RPS2: variants seen among roughly 807,000 people sequenced by gnomAD.
RPS2 encodes small ribosomal subunit protein uS5.
A neutral mutation model predicts 25.3 loss-of-function variants in RPS2; 8 were observed. That is an observed-to-expected ratio of 0.32 (90% confidence interval 0.19 to 0.57). The LOEUF is 0.57. RPS2 is among the 20% of genes least tolerant of loss of function. The pLI is 0.90. For missense variants in RPS2, 229 were observed against 408.1 expected, an observed-to-expected ratio of 0.56 and a Z score of 3.78; for synonymous variants, 181 against 161.3, an observed-to-expected ratio of 1.12 and a Z score of -0.92.
chr16:1,963,774 T>C (rs1409029405), intron 3 of RPS2: 1 of 457,502 alleles, frequency 2.2e-6, no homozygotes, highest in Non-Finnish European at 4.4e-6. Context: ...TGGTGAGATG[T>C]GGCTTTCCAC....
Position 1,962,870 on chromosome 16 carries a change from G to A in RPS2, c.415C>T (p.Leu139=). 6.2e-7 allele frequency: 1 copy of A among 1,603,164 alleles called. No individual in the cohort carries two copies. Among genetic ancestry groups the A allele is most frequent in the South Asian group, 1.1e-5 (1 of 91,068 alleles). Residue 139 remains leucine, a synonymous_variant, in exon 5 of 7, where the codon CTG becomes TTG. Coordinates refer to ENST00000343262, the MANE Select transcript of RPS2 (RefSeq NM_002952.4). ...ACCTCCTTGGAGCACTTAACACCCA[G>A]ACCGACGTGGCCATTGTAGTCCCCG... ...AIGDYNGHVG[L]GVKCSKEVAT...
chr16:1,963,883 C>A (rs981186623), intron 3 of RPS2: 1 of 424,402 alleles, frequency 2.4e-6, no homozygotes, highest in African/African-American at 2.0e-5. Flanking sequence ...TAGCCTTTCC[C>A]CACTGCACCC....
At chr16:1,962,321 C>A in intron 6 of RPS2, 51 bp from the exon 7 acceptor site, 3 of 1,546,510 alleles carry the variant, frequency 1.9e-6, no homozygotes, top group Non-Finnish European at 1.8e-6. Context: ...TGAGGCAAGT[C>A]CCCCAACCCA....
chr16:1,963,101 G>C (rs765852789), intron 4 of RPS2, 48 bp downstream of exon 4: 4 of 1,474,524 alleles, frequency 2.7e-6, no homozygotes, highest in Non-Finnish European at 2.8e-6. Context: ...GCAGAGCCGA[G>C]AGAGTCCCGG....
chr16:1,964,131 T>G (rs1243506204), intron 3 of RPS2, 145 bp downstream of exon 3: 1 of 668,374 alleles, frequency 1.5e-6, no homozygotes, highest in African/African-American at 1.8e-5. Context: ...AATCCTCTCC[T>G]CAGCCAGCCC....
intron 2 of RPS2, 32 bp from the exon 3 acceptor site, chr16:1,964,397 C>A (rs1386756961): frequency 6.2e-7 from 1 of 1,613,160 alleles, no homozygotes; most frequent in Non-Finnish European, 8.5e-7. Context: ...GTGACCAGGA[C>A]CGCTCTCCGG....
chr16:1,964,253 A>T, intron 3 of RPS2, 23 bp downstream of exon 3: 2 of 1,586,614 alleles, frequency 1.3e-6, no homozygotes, highest in Non-Finnish European at 1.7e-6. Flanking sequence ...CACTTGCTCA[A>T]CGCCCCAACG....
chr16:1,964,799 G>C lies in RPS2; in HGVS notation c.-4+8C>G, dbSNP rs973295576. On this transcript the variant is annotated splice_region_variant and intron_variant, in intron 1 of 6. Coordinates refer to ENST00000343262, the MANE Select transcript of RPS2 (RefSeq NM_002952.4). ...CAGAGGCCCGCTGCAGCGACCAACA[G>C]GACTCACGTGTTTTGTCGGAAAAGA... The C allele has an allele frequency of 2.8e-5, 15 of 543,914 alleles. No individual in the cohort carries two copies. The highest frequency in any genetic ancestry group is 1.4e-4 in the African/African-American group (7 of 49,472). 33.7% of individuals were successfully genotyped at this position (543,914 alleles called of 1,614,324 possible).
chr16:1,962,865 A>C lies in RPS2; in HGVS notation c.420T>G (p.Gly140=). The stretch of plus-strand genomic sequence containing the variant: ...TGGCCACCTCCTTGGAGCACTTAAC[A>C]CCCAGACCGACGTGGCCATTGTAGT... ...IGDYNGHVGL[G]VKCSKEVATA... is the part of the protein sequence containing the mutation. The change falls in exon 5 of 7, where the codon GGT becomes GGG. Residue 140 remains glycine (G), a synonymous_variant. Transcript: ENST00000343262. The C allele has an allele frequency of 6.2e-7, 1 of 1,603,264 alleles. No individual in the cohort carries two copies. Among genetic ancestry groups the C allele is most frequent in the East Asian group, 2.2e-5 (1 of 44,860 alleles).
rs1188695244 is a variant in RPS2 at position 1,962,737 on chromosome 16, T to C, written c.548A>G (p.Lys183Arg). 3 of 1,600,048 alleles carry C rather than the reference T, an allele frequency of 1.9e-6. No individual in the cohort carries two copies. In the Admixed American group the frequency reaches 5.1e-5, roughly 27 times the overall value. The change falls in exon 5 of 7, where the codon AAG becomes AGG. Residue 183 changes from lysine to arginine, a missense_variant and splice_region_variant. Around this residue, in one of 7 missense-constraint regions of RPS2, gnomAD observed 79 missense variants for 159.0 expected, o/e 0.50. Transcript: ENST00000343262. Reference sequence around the variant, plus strand: ...GCCCATCACCTGCCACCAGCCTACCTTGCAAGGGACAGTGTGGGGCTTGCC... The same window carrying C: ...GCCCATCACCTGCCACCAGCCTACCCTGCAAGGGACAGTGTGGGGCTTGCC... ...KIGKPHTVPC[K>R]VTGRCGSVLV...
chr16:1,962,099 T>A lies in RPS2; in HGVS notation c.881A>T (p.Ter294LeuextTer9). The A allele has an allele frequency of 6.4e-7, 1 of 1,554,220 alleles. No individual in the cohort carries two copies. The highest frequency in any genetic ancestry group is 8.6e-7 in the Non-Finnish European group (1 of 1,157,842). ...CTTTATTTTTCTTGTATAAAAACCC[T>A]ATGTTGTAGCCACAGCTGGAGCCTG... The part of the protein sequence containing the change: ...RTQAPAVATT[*>L] The change falls in exon 7 of 7, where the codon TAG becomes TTG. Residue 294 changes from the stop codon to leucine, a stop_lost. Transcript: ENST00000343262.
At chr16:1,964,780 C>T (rs2083291935) in intron 1 of RPS2, 27 bp downstream of exon 1, 2 of 551,982 alleles carry the variant, frequency 3.6e-6, no homozygotes, top group Admixed American at 7.5e-5. Flanking sequence ...CACGCAGAGG[C>T]CCGCTGCAGC....
rs1430646660 is a variant in RPS2 at position 1,963,263 on chromosome 16, CAA to C, written c.268-9_268-8del. On this transcript the variant is annotated splice_polypyrimidine_tract_variant and splice_region_variant and intron_variant, in intron 3 of 6. Transcript: ENST00000343262. ...AATCAATGATCTCTGATTCCTGAAA[CAA>C]ACAAGAAAATTGTAGGGAGAGCATT... The C allele has an allele frequency of 1.3e-6, 2 of 1,487,190 alleles. No homozygotes were observed. Among genetic ancestry groups the C allele is most frequent in the Middle Eastern group, 2.2e-4 (1 of 4,484 alleles). 92.1% of individuals were successfully genotyped at this position (1,487,190 alleles called of 1,614,324 possible).
intron 3 of RPS2, chr16:1,963,741 C>T (rs1019459604): frequency 2.0e-5 from 9 of 447,626 alleles, no homozygotes; most frequent in Non-Finnish European, 4.0e-5. Context: ...TCGTTTCTTC[C>T]TATTTGCCCT....
intron 3 of RPS2, chr16:1,963,787 A>AT (rs1333481874): frequency 2.2e-6 from 1 of 457,652 alleles, no homozygotes; most frequent in Non-Finnish European, 4.4e-6. Context: ...CTTTCCACTC[A>AT]GATTTCCTTT....
chr16:1,964,416 A>G, intron 2 of RPS2, 33 bp downstream of exon 2: 1 of 1,612,792 alleles, frequency 6.2e-7, no homozygotes, highest in Non-Finnish European at 8.5e-7. Flanking sequence ...GGCGCCGCCC[A>G]GGGGCCCGAC....
chr16:1,964,058 G>A lies in RPS2; in HGVS notation c.267+218C>T, dbSNP rs553472724. On this transcript the variant is annotated intron_variant, in intron 3 of 6. Coordinates refer to ENST00000343262, the MANE Select transcript of RPS2 (RefSeq NM_002952.4). The stretch of plus-strand genomic sequence containing the variant: ...AATGAATTCGCTGCGAATGTGGGAA[G>A]ATGCGCTGAAATGCCTTTTGTGGCT... 2.6e-5 allele frequency: 15 copies of A among 578,832 alleles called. 1 individual carries two copies. The highest frequency in any genetic ancestry group is 1.9e-5 in the African/African-American group (1 of 53,458). The allele number at this position is 578,832 out of a possible 1,614,324, so 35.9% of individuals were successfully genotyped here. A position where few individuals can be genotyped will look rare whatever the true frequency, so the allele number is the denominator to read the frequency against.
chr16:1,963,267 C>G lies in RPS2; in HGVS notation c.268-11G>C. The G allele has an allele frequency of 6.8e-7, 1 of 1,479,320 alleles. No individual in the cohort carries two copies. 91.6% of individuals were successfully genotyped at this position (1,479,320 alleles called of 1,614,324 possible). ...AATGATCTCTGATTCCTGAAACAAA[C>G]AAGAAAATTGTAGGGAGAGCATTAA... On this transcript the variant is annotated splice_polypyrimidine_tract_variant and intron_variant, in intron 3 of 6. Transcript: ENST00000343262.
intron 3 of RPS2, 148 bp from the exon 4 acceptor site, chr16:1,963,404 T>A: frequency 1.7e-6 from 1 of 597,230 alleles, no homozygotes; most frequent in Non-Finnish European, 3.0e-6. Context: ...GATCACAAGG[T>A]CAGGAGTCCG....
Sources: allele counts gnomAD v4.1 joint callset, GRCh38; gene constraint gnomAD v4.1.1; regional missense constraint gnomAD v4.1.1; transcripts MANE v1.5; gene names NCBI Gene and HGNC (gene_info 2026-07-23, HGNC 2026-07-21).